Variants in KRT3 observed in about 807,000 individuals in gnomAD.
The protein encoded by KRT3 is keratin 3.
A neutral mutation model predicts 45.8 loss-of-function variants in KRT3; 34 were observed. That is an observed-to-expected ratio of 0.74 (90% CI 0.57 to 0.99). The LOEUF (loss-of-function observed/expected upper bound fraction) is 0.99. KRT3 is among the 50% of genes least tolerant of loss of function. KRT3 has a pLI of 0.00. For missense variants in KRT3, 828 were observed against 820.6 expected (o/e 1.01, Z -0.11); for synonymous variants, 367 against 329.0 (o/e 1.12, Z -1.25).
intron 1 of KRT3, 25 bp from the exon 2 acceptor site, chr12:52,794,356 T>G: frequency 6.4e-7 from 1 of 1,573,520 alleles, no homozygotes; most frequent in Non-Finnish European, 8.7e-7. Context: ...GGAAGCAACA[T>G]CAGGCAACAC....
Position 52,789,812 on chromosome 12 carries a change from A to G in KRT3, c.*230T>C, listed in dbSNP as rs1029187617. The G allele has an allele frequency of 9.6e-6, 6 of 625,080 alleles. No homozygotes were observed. Among genetic ancestry groups the G allele is most frequent in the Admixed American group, 2.8e-5 (1 of 36,082 alleles). 38.7% of individuals were successfully genotyped at this position (625,080 alleles called of 1,614,324 possible). A position where few individuals can be genotyped will look rare whatever the true frequency, so the allele number is the denominator to read the frequency against. ...CCGGGGCAGCAGAAGGTGGCGGCCT[A>G]GGCCACACCTGGACAATCACAGGCA... On this transcript the variant is annotated 3_prime_UTR_variant, in exon 9 of 9. Transcript: ENST00000417996.
Position 52,789,691 on chromosome 12 carries a change from A to G in KRT3, c.*351T>C. 1 of 437,526 alleles carries G rather than the reference A, an allele frequency of 2.3e-6. No individual in the cohort carries two copies. The highest frequency in any genetic ancestry group is 4.2e-6 in the Non-Finnish European group (1 of 240,260). 27.1% of individuals were successfully genotyped at this position (437,526 alleles called of 1,614,324 possible). ...AATACTCAGAGGCCCGGAGTGAAACACAGTGCACTTTATTGGCGACAGACC... is the reference window on the plus strand; with the variant it reads ...AATACTCAGAGGCCCGGAGTGAAACGCAGTGCACTTTATTGGCGACAGACC... On this transcript the variant is annotated 3_prime_UTR_variant, in exon 9 of 9. Coordinates refer to ENST00000417996, the MANE Select transcript of KRT3 (RefSeq NM_057088.3).
chr12:52,794,528 G>A (rs571972363), intron 1 of KRT3, among the ~76,000 whole-genome samples, 197 bp from the exon 2 acceptor site: 13 of 152,294 alleles, frequency 8.5e-5, no homozygotes, highest in Non-Finnish European at 1.5e-4. Context: ...CACTTGCAGC[G>A]TGGTTTGGAA....
At chr12:52,792,895 G>A in intron 3 of KRT3, 89 bp from the exon 4 acceptor site, 1 of 865,654 alleles carries the variant, frequency 1.2e-6, no homozygotes, top group Non-Finnish European at 1.9e-6. Context: ...GGGGACTGGT[G>A]CAGTGATGGT....
rs1260022260 is a variant in KRT3, at chr12:52,790,823, A to C, written c.1570+15T>G. On this transcript the variant is annotated intron_variant, in intron 8 of 8. Coordinates refer to ENST00000417996, the MANE Select transcript of KRT3 (RefSeq NM_057088.3). ...AGAATTAACTCTCATTTTCTTAGCT[A>C]CTTTCGGTACTTACAGATGCTGACA... 2.5e-6 allele frequency: 4 copies of C among 1,582,794 alleles called. No individual in the cohort carries two copies. The highest frequency in any genetic ancestry group is 2.7e-5 in the African/African-American group (2 of 74,252).
rs1167946198 is a variant in KRT3 at position 52,793,190 on chromosome 12, A to G, written c.900T>C (p.Ala300=). 1.2e-6 allele frequency: 2 copies of G among 1,611,286 alleles called. No individual in the cohort carries two copies. Among genetic ancestry groups the G allele is most frequent in the Non-Finnish European group, 1.7e-6 (2 of 1,178,604 alleles). The change falls in exon 3 of 9, where the codon GCT becomes GCC. Residue 300 remains alanine, a synonymous_variant. Coordinates refer to ENST00000417996, the MANE Select transcript of KRT3 (RefSeq NM_057088.3). ...TCTTCAGAGTCACAAATTCATTCTC[A>G]GCAGCTGTACGTTTATTGATTTCAT... is the stretch of plus-strand genomic sequence containing the variant. ...YEDEINKRTA[A]ENEFVTLKKD...
chr12:52,792,189 G>T (rs1361779164), intron 5 of KRT3, 50 bp downstream of exon 5: 20 of 1,534,910 alleles, frequency 1.3e-5, no homozygotes, highest in Admixed American at 1.7e-5. Context: ...AATAGGCCAT[G>T]GCCTCTCTGA....
Position 52,795,841 on chromosome 12 carries a change from T to C in KRT3, c.202A>G (p.Ile68Val). 3 of 1,614,092 alleles carry C rather than the reference T, an allele frequency of 1.9e-6. No homozygotes were observed. Among genetic ancestry groups the C allele is most frequent in the Non-Finnish European group, 2.5e-6 (3 of 1,179,982 alleles). Residue 68 changes from isoleucine (I) to valine (V), a missense_variant, in exon 1 of 9, where the codon ATC becomes GTC. Physicochemically the swap from Ile to Val is conservative, Grantham distance 29. Coordinates refer to ENST00000417996, the MANE Select transcript of KRT3 (RefSeq NM_057088.3). ...YNLGGNKSIS[I>V]SVAAGGSRAG... ...CGGGAGCCGCCAGCTGCCACGCTGA[T>C]GGAGATGCTCTTGTTGCCGCCCAGG...
In KRT3 at chr12:52,795,660, G is replaced by C; in HGVS notation, c.383C>G (p.Ala128Gly). ...GFGGAGGFGG[A>G]GGFGGAGGFG... is the part of the protein sequence containing the mutation. The stretch of plus-strand genomic sequence containing the variant: ...GCCACCAGCCCCTCCAAAGCCACCA[G>C]CCCCTCCAAAGCCACCAGCTCCACC... The change falls in exon 1 of 9, where the codon GCT (alanine) becomes GGT (glycine). Residue 128 changes from alanine to glycine, a missense_variant. By Grantham distance (60) the Ala-to-Gly change is moderately conservative. Transcript: ENST00000417996. The C allele has an allele frequency of 8.8e-6, 14 of 1,595,384 alleles. No homozygotes were observed. The highest frequency in any genetic ancestry group is 1.1e-5 in the Non-Finnish European group (13 of 1,174,294).
Position 52,792,648 on chromosome 12 carries a change from C to T in KRT3, c.1023+63G>A. 4.7e-6 allele frequency: 6 copies of T among 1,267,632 alleles called. No homozygotes were observed. The South Asian group carries it at 7.1e-5, about 15-fold the overall frequency. The allele number at this position is 1,267,632 out of a possible 1,614,324, so 78.5% of individuals were successfully genotyped here. On this transcript the variant is annotated intron_variant, in intron 4 of 8. Coordinates refer to ENST00000417996, the MANE Select transcript of KRT3 (RefSeq NM_057088.3). Reference sequence around the variant, plus strand: ...CTGGGGCCTATATACCAAAATGCACCAGCCTCAAATCTGGAAACACCTCAC... The same window carrying T: ...CTGGGGCCTATATACCAAAATGCACTAGCCTCAAATCTGGAAACACCTCAC...
chr12:52,795,311 A>G (rs897088815), intron 1 of KRT3, 87 bp downstream of exon 1: 48 of 1,522,560 alleles, frequency 3.2e-5, no homozygotes, highest in Admixed American at 1.3e-4. Flanking sequence ...AGTCTGGCCT[A>G]TCCAAGAAAC....
At chr12:52,794,843 G>C (rs1024037333) in intron 1 of KRT3, among the ~76,000 whole-genome samples, 2 of 152,204 alleles carry the variant, frequency 1.3e-5, no homozygotes, top group Non-Finnish European at 2.9e-5. Context: ...GTCTGGAGAA[G>C]CTCACCGAGC....
At chr12:52,792,214 C>G in intron 5 of KRT3, 25 bp downstream of exon 5, 5 of 1,607,346 alleles carry the variant, frequency 3.1e-6, no homozygotes, top group Non-Finnish European at 3.4e-6. Flanking sequence ...TCCAGTGGAT[C>G]CCGTAAGAGG....
intron 1 of KRT3, 75 bp from the exon 2 acceptor site, chr12:52,794,406 C>G (rs552792915): frequency 9.3e-7 from 1 of 1,073,258 alleles, no homozygotes; most frequent in East Asian, 2.4e-5. Flanking sequence ...TCAGGTAGGA[C>G]TAGGTGTCTA....
Position 52,790,839 on chromosome 12 carries a change from G to A in KRT3, c.1569C>T (p.Ile523=). ...MSGECPSAVS[I]SVVSSSTTSA... is the part of the protein sequence containing the mutation. ...TTCTTAGCTACTTTCGGTACTTACA[G>A]ATGCTGACAGCACTCGGACACTCTC... Residue 523 remains isoleucine, a splice_region_variant and synonymous_variant, in exon 8 of 9, where the codon ATC becomes ATT. Transcript: ENST00000417996. 6.3e-7 allele frequency: 1 copy of A among 1,595,858 alleles called. No individual in the cohort carries two copies. The highest frequency in any genetic ancestry group is 1.1e-5 in the South Asian group (1 of 87,664).
chr12:52,790,942 G>T, intron 7 of KRT3, 70 bp from the exon 8 acceptor site: 1 of 1,435,496 alleles, frequency 7.0e-7, no homozygotes. Flanking sequence ...CGGACCAAGG[G>T]CATGAATAGC....
rs774733153 is a variant in KRT3, at chr12:52,792,290, C to T, written c.1137G>A (p.Glu379=). 1 of 1,614,174 alleles carries T rather than the reference C, an allele frequency of 6.2e-7. No individual in the cohort carries two copies. Among genetic ancestry groups the T allele is most frequent in the East Asian group, 2.2e-5 (1 of 44,886 alleles). The change falls in exon 5 of 9, where the codon GAG becomes GAA. Residue 379 remains glutamate, a synonymous_variant. Transcript: ENST00000417996. ...SIIAEVRAQY[E]DIAQRSKAEA... is the part of the protein sequence containing the mutation. ...CGGCCTTGCTTCTCTGAGCGATATC[C>T]TCATACTGTGCACGAACTTCAGCAA...
rs766306589 is a variant in KRT3 at position 52,791,240 on chromosome 12, T to A, written c.1501A>T (p.Thr501Ser). 1.2e-6 allele frequency: 2 copies of A among 1,614,174 alleles called. No individual in the cohort carries two copies. Among genetic ancestry groups the A allele is most frequent in the Non-Finnish European group, 1.7e-6 (2 of 1,180,010 alleles). ...VKLALDVEIA[T>S]YRKLLEGEEY... Reference sequence around the variant, plus strand: ...TCGCCCTCCAGCAGCTTGCGGTAGGTGGCGATCTCCACGTCCAGGGCCAGC... The same window carrying A: ...TCGCCCTCCAGCAGCTTGCGGTAGGAGGCGATCTCCACGTCCAGGGCCAGC... Residue 501 changes from threonine (T) to serine (S), a missense_variant, in exon 7 of 9, where the codon ACC (threonine) becomes TCC (serine). Transcript: ENST00000417996.
intron 3 of KRT3, 109 bp from the exon 4 acceptor site, chr12:52,792,915 A>G: frequency 2.6e-6 from 2 of 780,966 alleles, no homozygotes; most frequent in Non-Finnish European, 4.4e-6. Context: ...TCCTTGTCTA[A>G]GACCAGTCTC....
Sources: allele counts gnomAD v4.1 joint callset (sites outside exome capture counted in the v4.1 genomes callset), GRCh38; gene constraint gnomAD v4.1.1; transcripts MANE v1.5; gene names NCBI Gene and HGNC (gene_info 2026-07-23, HGNC 2026-07-21).